The following POLA1 variants were observed in gnomAD, a reference collection of about 807,000 sequenced individuals.
POLA1 encodes DNA polymerase alpha catalytic subunit.
POLA1 carries 15 observed loss-of-function variants against 124.0 expected under a neutral mutation model. That is an observed-to-expected ratio of 0.12 (90% confidence interval 0.08 to 0.19). POLA1 has a LOEUF of 0.19. Ranked by LOEUF, POLA1 falls within the 10% of genes least tolerant of loss-of-function variation. POLA1 has a pLI of 1.00. For missense variants in POLA1, 886 were observed against 1,103.4 expected, an observed-to-expected ratio of 0.80 and a Z score of 2.79; for synonymous variants, 408 against 389.4, an observed-to-expected ratio of 1.05 and a Z score of -0.56.
intron 1 of POLA1, among the ~76,000 whole-genome samples, chrX:24,698,451 C>G (rs1323050289): frequency 9.0e-6 from 1 of 111,308 alleles, no homozygotes; most frequent in Non-Finnish European, 1.9e-5. Context: ...CCCCTCAGAG[C>G]CATCTTTGTT....
At chrX:24,849,221 A>G (rs1387577132) in intron 34 of POLA1, among the ~76,000 whole-genome samples, 1 of 112,881 alleles carries the variant, frequency 8.9e-6, no homozygotes, top group Non-Finnish European at 1.9e-5. Flanking sequence ...GAAGCAATAG[A>G]TATCCATCCC....
intron 26 of POLA1, among the ~76,000 whole-genome samples, chrX:24,788,070 A>C (rs1203520413): frequency 8.9e-6 from 1 of 112,626 alleles, no homozygotes; most frequent in Non-Finnish European, 1.9e-5. Flanking sequence ...TATGCAAACT[A>C]GTAAATGTGA....
Position 24,727,884 on chromosome X carries a change from T to C in POLA1, c.1634T>C (p.Val545Ala). Residue 545 changes from valine to alanine, a missense_variant, in exon 15 of 37, where the codon GTG becomes GCG. Val to Ala is a moderately conservative substitution (Grantham distance 64). Around this residue, in one of 7 missense-constraint regions of POLA1, gnomAD observed 337 missense variants for 402.8 expected, o/e 0.84. Coordinates refer to ENST00000379068, the MANE Select transcript of POLA1 (RefSeq NM_001330360.2). ...IKDVSPPPLV[V>A]MAFSMKTMQN... ...GATGTCAGTCCACCACCGCTTGTCG[T>C]GATGGCTTTCAGCATGAAGACAATG... The C allele has an allele frequency of 1.7e-6, 2 of 1,210,624 alleles. No individual in the cohort carries two copies. The highest frequency in any genetic ancestry group is 2.2e-6 in the Non-Finnish European group (2 of 894,362).
chrX:24,764,754 T>G (rs1932861629), intron 26 of POLA1, among the ~76,000 whole-genome samples: 1 of 111,455 alleles, frequency 9.0e-6, no homozygotes, highest in Non-Finnish European at 1.9e-5. Flanking sequence ...TAAGGTGCAG[T>G]TATTACTAAG....
At chrX:24,777,107 C>T (rs1184948111) in intron 26 of POLA1, among the ~76,000 whole-genome samples, 2 of 112,253 alleles carry the variant, frequency 1.8e-5, no homozygotes, top group Non-Finnish European at 3.8e-5. Flanking sequence ...AAAACCAGTA[C>T]TGGTAATAGG....
intron 36 of POLA1, among the ~76,000 whole-genome samples, chrX:24,940,829 A>G (rs928820177): frequency 5.4e-5 from 6 of 112,085 alleles, no homozygotes; most frequent in Non-Finnish European, 1.1e-4. Flanking sequence ...GAAATTTCCA[A>G]TAAGTGTGAA....
intron 36 of POLA1, among the ~76,000 whole-genome samples, chrX:24,975,823 G>A (rs1170395818): frequency 1.8e-5 from 2 of 112,423 alleles, no homozygotes; most frequent in African/African-American, 3.2e-5. Flanking sequence ...CTAGAATTTA[G>A]CGCACCCTTC....
chrX:24,778,053 A>G (rs1441335297), intron 26 of POLA1, among the ~76,000 whole-genome samples: 1 of 112,441 alleles, frequency 8.9e-6, no homozygotes, highest in African/African-American at 3.2e-5. Flanking sequence ...CCTTTTGGAA[A>G]TGAAAGATGG....
intron 4 of POLA1, among the ~76,000 whole-genome samples, chrX:24,706,681 A>C (rs756851432): frequency 2.7e-5 from 3 of 112,073 alleles, no homozygotes; most frequent in South Asian, 7.4e-4. Context: ...CTGTACTAAC[A>C]ACCTTTCTAA....
intron 26 of POLA1, among the ~76,000 whole-genome samples, chrX:24,758,706 C>T (rs767523562): frequency 2.7e-5 from 3 of 112,001 alleles, no homozygotes; most frequent in East Asian, 2.8e-4. Flanking sequence ...GTTTTTGAGA[C>T]GGAGTCTCGC....
At chrX:24,750,050 C>A (rs1277333360) in intron 26 of POLA1, among the ~76,000 whole-genome samples, 1 of 111,655 alleles carries the variant, frequency 9.0e-6, no homozygotes, top group Non-Finnish European at 1.9e-5. Flanking sequence ...TGATGGCCAT[C>A]GGGGCAAATG....
intron 10 of POLA1, among the ~76,000 whole-genome samples, chrX:24,721,405 G>A (rs1325032588): frequency 1.8e-5 from 2 of 112,009 alleles, no homozygotes; most frequent in South Asian, 3.8e-4. Flanking sequence ...TGATGCCAAC[G>A]GGTTAAATAA....
At chrX:24,904,750 T>C (rs957186676) in intron 35 of POLA1, among the ~76,000 whole-genome samples, 11 of 111,161 alleles carry the variant, frequency 9.9e-5, no homozygotes, top group Middle Eastern at 4.7e-3. Context: ...ATGAGTCGGG[T>C]GCAGTGACTC....
intron 10 of POLA1, among the ~76,000 whole-genome samples, chrX:24,719,531 A>C (rs997586228): frequency 8.9e-6 from 1 of 111,983 alleles, no homozygotes; most frequent in South Asian, 3.8e-4. Flanking sequence ...GAGGCTAAGC[A>C]GATGATTTCC....
In POLA1 at chrX:24,855,672, G is replaced by A. The variant is rs369219354; in HGVS notation, c.4047+11995G>A. ...CTAAATCATATCTTCAATTCATTTC[G>A]TCCTTCCAGTGGGTCATGAAGACAG... is the stretch of plus-strand genomic sequence containing the variant. On this transcript the variant is annotated intron_variant, in intron 34 of 36. Transcript: ENST00000379068. Among the ~76,000 whole-genome samples the A allele has an allele frequency of 2.7e-5, 3 of 111,691 alleles. No homozygotes were observed. In the South Asian group the frequency reaches 1.1e-3, roughly 42 times the overall value.
At chrX:24,704,735 C>T (rs897072935) in intron 4 of POLA1, among the ~76,000 whole-genome samples, 17 of 111,802 alleles carry the variant, frequency 1.5e-4, no homozygotes, top group Middle Eastern at 4.2e-3. Context: ...TTTTCAATCC[C>T]GTGGTCATTT....
intron 26 of POLA1, among the ~76,000 whole-genome samples, chrX:24,760,815 A>G (rs1932782760): frequency 8.9e-6 from 1 of 111,803 alleles, no homozygotes; most frequent in Non-Finnish European, 1.9e-5. Context: ...GTATGTGTGA[A>G]GAAGCCGTTT....
chrX:24,733,935 G>A (rs1931099470), intron 17 of POLA1, 119 bp downstream of exon 17: 1 of 419,080 alleles, frequency 2.4e-6, no homozygotes, highest in African/African-American at 2.5e-5. Context: ...TGCCAGATTG[G>A]ACTATGACAT....
At chrX:24,877,540 A>C (rs756086090) in intron 34 of POLA1, among the ~76,000 whole-genome samples, 1 of 111,899 alleles carries the variant, frequency 8.9e-6, no homozygotes, top group African/African-American at 3.2e-5. Context: ...ACAGGCAGTG[A>C]GTCTTGGAGC....
Sources: gnomAD v4.1 joint callset for allele counts (sites outside exome capture counted in the v4.1 genomes callset) on GRCh38, gnomAD v4.1.1 for gene constraint, gnomAD v4.1.1 regional missense constraint, MANE v1.5 for transcripts, NCBI Gene and HGNC (gene_info 2026-07-23, HGNC 2026-07-21) for gene names.